The following IGSF5 variants were observed in gnomAD, a reference collection of about 807,000 sequenced individuals.
IGSF5 encodes immunoglobulin superfamily 5 like.
In IGSF5, 41 loss-of-function variants were observed where a neutral mutation model predicts 39.4. That is an observed-to-expected ratio of 1.04 (90% confidence interval 0.81 to 1.35). The LOEUF (loss-of-function observed/expected upper bound fraction) is 1.35, where lower values mean the gene tolerates loss of function less well. Among genes scored for constraint, IGSF5 ranks in the 40% most tolerant of loss-of-function variants. IGSF5 has a pLI of 0.00. For synonymous variants in IGSF5, 183 were observed against 175.3 expected, an observed-to-expected ratio of 1.04 and a Z score of -0.34; for missense variants, 487 against 494.6, an observed-to-expected ratio of 0.98 and a Z score of 0.15.
At chr21:39,788,273 A>G in intron 6 of IGSF5, 85 bp downstream of exon 6, 2 of 979,196 alleles carry the variant, frequency 2.0e-6, no homozygotes, top group Non-Finnish European at 3.2e-6. Context: ...CGTACACACA[A>G]CTGCGGGATT....
chr21:39,732,922 A>T, the IGSF5 span, among the ~76,000 whole-genome samples: 1 of 152,062 alleles, frequency 6.6e-6, no homozygotes, highest in Non-Finnish European at 1.5e-5. Context: ...GCTACTTGGG[A>T]GGGTGAGGTG....
chr21:39,747,755 C>T (rs2146269198), intron 2 of IGSF5, among the ~76,000 whole-genome samples: 1 of 152,210 alleles, frequency 6.6e-6, no homozygotes, highest in East Asian at 1.9e-4. Flanking sequence ...TTTGTGCTCT[C>T]AGTTCATTTT....
chr21:39,775,613 C>T (rs756494385), intron 4 of IGSF5, among the ~76,000 whole-genome samples: 2 of 152,156 alleles, frequency 1.3e-5, no homozygotes, highest in African/African-American at 4.8e-5. Flanking sequence ...GGTTAAAGCA[C>T]ATGGTAAAGT....
the IGSF5 span, among the ~76,000 whole-genome samples, chr21:39,720,299 C>T: frequency 4.7e-4 from 71 of 152,292 alleles, no homozygotes; most frequent in Admixed American, 1.1e-3. Context: ...GTAATGTGAG[C>T]AATGTGGAGT....
At chr21:39,794,337 T>C (rs1192826629) in intron 8 of IGSF5, among the ~76,000 whole-genome samples, 1 of 152,182 alleles carries the variant, frequency 6.6e-6, no homozygotes, top group Non-Finnish European at 1.5e-5. Flanking sequence ...ATGGAGATGC[T>C]GAAGGTGTAG....
At chr21:39,756,468 G>T (rs1044760786) in intron 2 of IGSF5, among the ~76,000 whole-genome samples, 1 of 152,200 alleles carries the variant, frequency 6.6e-6, no homozygotes, top group African/African-American at 2.4e-5. Context: ...TGGAGCCCTG[G>T]ATGTGCGTTG....
At chr21:39,789,700 A>G (rs2086950173) in intron 6 of IGSF5, among the ~76,000 whole-genome samples, 1 of 152,246 alleles carries the variant, frequency 6.6e-6, no homozygotes, top group Non-Finnish European at 1.5e-5. Context: ...AATAGTTTAA[A>G]AAAATCACCC....
intron 5 of IGSF5, among the ~76,000 whole-genome samples, chr21:39,784,877 AT>A (rs1417671061): frequency 6.6e-6 from 1 of 152,030 alleles, no homozygotes; most frequent in Non-Finnish European, 1.5e-5. Flanking sequence ...AAGCCGACGG[AT>A]TAACTGACCA....
At chr21:39,771,345 A>T in intron 4 of IGSF5, 130 bp downstream of exon 4, 1 of 725,158 alleles carries the variant, frequency 1.4e-6, no homozygotes, top group Non-Finnish European at 2.1e-6. Context: ...GGGGATGATA[A>T]GGCCAATCAC....
chr21:39,718,785 A>G, the IGSF5 span, among the ~76,000 whole-genome samples: 1 of 152,186 alleles, frequency 6.6e-6, no homozygotes, highest in Non-Finnish European at 1.5e-5. Flanking sequence ...ATGGATGTTT[A>G]TCAAGGGTAT....
chr21:39,760,263 T>C (rs776128947), intron 2 of IGSF5, among the ~76,000 whole-genome samples: 3 of 152,188 alleles, frequency 2.0e-5, no homozygotes, highest in Non-Finnish European at 2.9e-5. Flanking sequence ...ATCACTTCTT[T>C]GTAGGCACTG....
chr21:39,778,167 A>G (rs2080150397), intron 4 of IGSF5, among the ~76,000 whole-genome samples: 1 of 152,228 alleles, frequency 6.6e-6, no homozygotes, highest in African/African-American at 2.4e-5. Context: ...TCTCTTGGGA[A>G]CATCAATGTA....
chr21:39,800,185 G>A (rs988682289), intron 8 of IGSF5, among the ~76,000 whole-genome samples: 3 of 152,076 alleles, frequency 2.0e-5, no homozygotes, highest in African/African-American at 7.2e-5. Context: ...TTATTTTGGC[G>A]AATATTTAAA....
At chr21:39,716,769 TC>T in the IGSF5 span, among the ~76,000 whole-genome samples, 1 of 152,244 alleles carries the variant, frequency 6.6e-6, no homozygotes, top group African/African-American at 2.4e-5. Flanking sequence ...TTAGGTTGAT[TC>T]TATGTCTTTG....
chr21:39,746,210 G>C lies in IGSF5; in HGVS notation c.18-6G>C, dbSNP rs1165621088. 1.4e-6 allele frequency: 1 copy of C among 701,894 alleles called. No homozygotes were observed. The highest frequency in any genetic ancestry group is 1.7e-5 in the African/African-American group (1 of 57,310). 43.5% of individuals were successfully genotyped at this position (701,894 alleles called of 1,614,324 possible). A position where few individuals can be genotyped will look rare whatever the true frequency, so the allele number is the denominator to read the frequency against. On this transcript the variant is annotated splice_polypyrimidine_tract_variant and splice_region_variant and intron_variant, in intron 1 of 8. Transcript: ENST00000380588. ...GGAAGTGGCAATGGGCGCCTCACTG[G>C]ATCAGGAGCACAGCAGATACTCTGC...
chr21:39,760,357 A>T (rs550808307), intron 2 of IGSF5, among the ~76,000 whole-genome samples: 19 of 152,332 alleles, frequency 1.2e-4, no homozygotes, highest in Non-Finnish European at 2.5e-4. Flanking sequence ...ATTAATTGTG[A>T]GCAAAAGTAA....
chr21:39,744,957 A>G (rs550294700), upstream of IGSF5, among the ~76,000 whole-genome samples: 17 of 152,400 alleles, frequency 1.1e-4, no homozygotes, highest in African/African-American at 4.1e-4. Context: ...TTACACTGAC[A>G]ACAAAGTGGC....
intron 7 of IGSF5, among the ~76,000 whole-genome samples, chr21:39,792,358 A>G (rs1055985856): frequency 6.6e-6 from 1 of 152,124 alleles, no homozygotes; most frequent in African/African-American, 2.4e-5. Flanking sequence ...GTTTTTTTCC[A>G]TCACACACTG....
chr21:39,751,324 A>G (rs2146271432), intron 2 of IGSF5: 1 of 152,368 alleles, frequency 6.6e-6, no homozygotes, highest in East Asian at 1.9e-4. Context: ...TTTACCTGTC[A>G]TCTGGGGTAA....
Sources: allele counts gnomAD v4.1 joint callset (sites outside exome capture counted in the v4.1 genomes callset), GRCh38; gene constraint gnomAD v4.1.1; transcripts MANE v1.5; gene names NCBI Gene and HGNC (gene_info 2026-07-23, HGNC 2026-07-21).